RBM39: variants seen among roughly 807,000 people sequenced by gnomAD.
The protein encoded by RBM39 is RNA-binding protein 39.
Under a neutral mutation model 79.6 loss-of-function variants are expected in RBM39, and 12 were observed. The observed-to-expected ratio is 0.15, with a 90% confidence interval of 0.10 to 0.24. RBM39 has a LOEUF of 0.24. Among genes scored for constraint, RBM39 ranks in the 10% least tolerant of loss-of-function variants. The pLI is 1.00. For missense variants in RBM39, 243 were observed against 653.4 expected (o/e 0.37, Z 6.85); for synonymous variants, 185 against 208.4 (o/e 0.89, Z 0.97).
chr20:35,733,567 CCA>C (rs1323239622), intron 3 of RBM39, among the ~76,000 whole-genome samples: 1 of 151,952 alleles, frequency 6.6e-6, no homozygotes, highest in Non-Finnish European at 1.5e-5. Flanking sequence ...CGAAATCATG[CCA>C]CTGTACTCCA....
intron 12 of RBM39, among the ~76,000 whole-genome samples, chr20:35,712,627 T>G (rs1178352434): frequency 1.3e-5 from 2 of 151,902 alleles, no homozygotes; most frequent in Non-Finnish European, 2.9e-5. Context: ...AAAATAACTG[T>G]CTCAACACTC....
At chr20:35,741,037 T>TTTC in intron 1 of RBM39, 150 bp from the exon 2 acceptor site, 31 of 421,420 alleles carry the variant, frequency 7.4e-5, no homozygotes, top group Non-Finnish European at 8.1e-5. Flanking sequence ...TTTCTTTTTT[T>TTTC]TTTTTTTTTT....
intron 3 of RBM39, among the ~76,000 whole-genome samples, chr20:35,738,362 T>C (rs528852669): frequency 5.3e-5 from 8 of 152,324 alleles, no homozygotes; most frequent in Admixed American, 3.9e-4. Context: ...CAGAGTTCTA[T>C]TGAGTCACTC....
chr20:35,733,162 G>T (rs2039548943), intron 3 of RBM39, among the ~76,000 whole-genome samples: 1 of 151,940 alleles, frequency 6.6e-6, no homozygotes, highest in Non-Finnish European at 1.5e-5. Flanking sequence ...AATTAGCCAG[G>T]CCTGATGGTG....
In RBM39 at chr20:35,705,880, ACT is replaced by A. The variant is rs1020709589; in HGVS notation, c.1308-552_1308-551del. 7.2e-5 allele frequency among the ~76,000 whole-genome samples: 11 copies of A among 152,010 alleles called. No homozygotes were observed. In the East Asian group the frequency reaches 1.9e-3, roughly 27 times the overall value. On this transcript the variant is annotated intron_variant, in intron 14 of 16. Transcript: ENST00000253363. ...AATATTGATCCCATCCTACTTTATG[ACT>A]CTGCATAACTTGAAAGTGACTTTTA...
chr20:35,731,354 A>G (rs976230127), intron 4 of RBM39: 3 of 152,262 alleles, frequency 2.0e-5, no homozygotes, highest in Non-Finnish European at 4.4e-5. Flanking sequence ...CTAATCTTCA[A>G]AACACTTTTA....
chr20:35,730,936 C>T (rs529153528), intron 4 of RBM39, among the ~76,000 whole-genome samples: 6 of 152,068 alleles, frequency 3.9e-5, no homozygotes, highest in African/African-American at 4.8e-5. Context: ...GAGCCAGAAT[C>T]GGAATTCATG....
rs1219991098 is a variant in RBM39, at chr20:35,702,173, A to G, written c.*2308T>C. On this transcript the variant is annotated 3_prime_UTR_variant, in exon 17 of 17. Coordinates refer to ENST00000253363, the MANE Select transcript of RBM39 (RefSeq NM_184234.3). ...ATTGCCCATTAAGCATTTCTTAAAC[A>G]GAACTTTCAAAGATGGTAGTAATTA... The G allele has an allele frequency of 6.6e-6, 1 of 152,252 alleles. No individual in the cohort carries two copies. Among genetic ancestry groups the G allele is most frequent in the African/African-American group, 2.4e-5 (1 of 41,470 alleles). The allele number at this position is 152,252 out of a possible 1,614,324, so 9.4% of individuals were successfully genotyped here.
At chr20:35,714,040 T>C (rs543917434) in intron 11 of RBM39, 145 bp downstream of exon 11, 1 of 724,306 alleles carries the variant, frequency 1.4e-6, no homozygotes, top group South Asian at 1.9e-5. Context: ...GCACATCATC[T>C]ATAAAATAAT....
At chr20:35,721,007 G>A (rs6142435) in intron 9 of RBM39, among the ~76,000 whole-genome samples, 8 of 152,164 alleles carry the variant, frequency 5.3e-5, no homozygotes, top group African/African-American at 1.9e-4. Flanking sequence ...TGCCATCCCA[G>A]CTCACTGCAA....
chr20:35,735,867 G>C (rs895937916), intron 3 of RBM39, among the ~76,000 whole-genome samples: 4 of 152,170 alleles, frequency 2.6e-5, no homozygotes, highest in African/African-American at 9.7e-5. Context: ...ATTTAGTCCT[G>C]TGGTTCTCTA....
In RBM39 at chr20:35,701,899, GTTGTTA is replaced by G. The variant is rs2035301719; in HGVS notation, c.*2576_*2581del. 7.4e-6 allele frequency: 1 copy of G among 135,836 alleles called. No homozygotes were observed. The highest frequency in any genetic ancestry group is 3.1e-5 in the African/African-American group (1 of 32,430). The allele number at this position is 135,836 out of a possible 1,614,324, so 8.4% of individuals were successfully genotyped here. On this transcript the variant is annotated 3_prime_UTR_variant, in exon 17 of 17. Transcript: ENST00000253363. ...CATAAGGCACCACGTCCAGCCCGAG[GTTGTTA>G]TTTAGATATACCTAGTGGCTTTATC...
At chr20:35,730,217 CAG>C (rs1471959035) in intron 4 of RBM39, among the ~76,000 whole-genome samples, 8 of 152,166 alleles carry the variant, frequency 5.3e-5, no homozygotes, top group African/African-American at 1.4e-4. Context: ...TCAGGACTAA[CAG>C]AGTGTTTTCA....
chr20:35,731,159 A>C (rs2039326449), intron 4 of RBM39, among the ~76,000 whole-genome samples: 1 of 152,190 alleles, frequency 6.6e-6, no homozygotes, highest in Non-Finnish European at 1.5e-5. Flanking sequence ...CTTAGAAGTT[A>C]GAAGGGTTAT....
intron 6 of RBM39, among the ~76,000 whole-genome samples, chr20:35,725,799 G>C (rs984885849): frequency 6.5e-4 from 99 of 151,728 alleles, no homozygotes; most frequent in African/African-American, 2.3e-3. Flanking sequence ...GAGTAGCTGG[G>C]ACTACAGGCG....
rs2040629838 is a variant in RBM39, at chr20:35,742,228, T to G, written c.-301A>C. 6.3e-6 allele frequency: 1 copy of G among 158,048 alleles called. No homozygotes were observed. Among genetic ancestry groups the G allele is most frequent in the Non-Finnish European group, 1.4e-5 (1 of 71,022 alleles). The allele number at this position is 158,048 out of a possible 1,614,324, so 9.8% of individuals were successfully genotyped here. On this transcript the variant is annotated 5_prime_UTR_variant, in exon 1 of 17. Coordinates refer to ENST00000253363, the MANE Select transcript of RBM39 (RefSeq NM_184234.3). ...ACAAGCTCCCTGAAATGGCGGCCGC[T>G]GCTTCCCTGTACTCACATTCACCAG...
intron 4 of RBM39, among the ~76,000 whole-genome samples, chr20:35,730,906 T>C (rs1321415439): frequency 1.2e-4 from 18 of 152,130 alleles, no homozygotes; most frequent in Admixed American, 1.1e-3. Flanking sequence ...AGTTTAATTC[T>C]TTTTATTTTA....
Position 35,701,848 on chromosome 20 carries a change from C to T in RBM39, c.*2633G>A, listed in dbSNP as rs974421746. 6.6e-5 allele frequency: 10 copies of T among 152,098 alleles called. No homozygotes were observed. The highest frequency in any genetic ancestry group is 1.9e-4 in the African/African-American group (8 of 41,414). 9.4% of individuals were successfully genotyped at this position (152,098 alleles called of 1,614,324 possible). ...CTTGACCTCATGATCCACCCGCCTCCGCCTCCCAGTGTTCACATATACAGG... is the reference window on the plus strand; with the variant it reads ...CTTGACCTCATGATCCACCCGCCTCTGCCTCCCAGTGTTCACATATACAGG... On this transcript the variant is annotated 3_prime_UTR_variant, in exon 17 of 17. Transcript: ENST00000253363.
Position 35,707,180 on chromosome 20 carries a change from G to C in RBM39, c.1247C>G (p.Ala416Gly), listed in dbSNP as rs778745443. ...TTGTGTTGCAAGTGGCTGAACAGAG[G>C]CAGCTGCAGCTAAAGCTGAAGCTAA... ...QTEASALAAAASVQPLATQCF... is the reference protein window; with the variant it reads ...QTEASALAAAGSVQPLATQCF... The change falls in exon 14 of 17, where the codon GCC becomes GGC. Residue 416 changes from alanine to glycine, a missense_variant. Ala to Gly is a moderately conservative substitution (Grantham distance 60). Coordinates refer to ENST00000253363, the MANE Select transcript of RBM39 (RefSeq NM_184234.3). The C allele has an allele frequency of 3.7e-6, 6 of 1,608,090 alleles. No individual in the cohort carries two copies. The highest frequency in any genetic ancestry group is 5.1e-6 in the Non-Finnish European group (6 of 1,176,034).
Sources: allele counts gnomAD v4.1 joint callset (sites outside exome capture counted in the v4.1 genomes callset), GRCh38; gene constraint gnomAD v4.1.1; transcripts MANE v1.5; gene names NCBI Gene and HGNC (gene_info 2026-07-23, HGNC 2026-07-21).